COL4A5: variants seen among roughly 807,000 people sequenced by gnomAD.
COL4A5 encodes collagen alpha-5(IV) chain.
Under a neutral mutation model 130.2 loss-of-function variants are expected in COL4A5, and 26 were observed. That is an observed-to-expected ratio of 0.20 (90% CI 0.15 to 0.28). The LOEUF is 0.28. Ranked by LOEUF, COL4A5 falls within the 10% of genes least tolerant of loss-of-function variation. The probability of loss-of-function intolerance (pLI) is 1.00; values close to 1 mark genes in which losing one functional copy is unlikely to be tolerated. For missense variants in COL4A5, 1,131 were observed against 1,344.3 expected, an observed-to-expected ratio of 0.84 and a Z score of 2.48; for synonymous variants, 496 against 439.6, an observed-to-expected ratio of 1.13 and a Z score of -1.60.
At chrX:108,534,983 A>C (rs2065436826) in intron 1 of COL4A5, among the ~76,000 whole-genome samples, 2 of 110,035 alleles carry the variant, frequency 1.8e-5, no homozygotes, top group Admixed American at 2.0e-4. Context: ...ATGTCTCTTA[A>C]TGATTATTTC....
chrX:108,633,934 CACA>C (rs1222720474), intron 36 of COL4A5, among the ~76,000 whole-genome samples: 3 of 111,378 alleles, frequency 2.7e-5, no homozygotes. Context: ...AACACCGATC[CACA>C]ACAACATTGT....
chrX:108,613,058 T>C (rs1569496748), intron 29 of COL4A5, among the ~76,000 whole-genome samples: 1 of 111,699 alleles, frequency 9.0e-6, no homozygotes, highest in Non-Finnish European at 1.9e-5. Context: ...GACATCCATA[T>C]GCAAAAAAAA....
chrX:108,440,464 T>G, intron 1 of COL4A5: 1 of 381,193 alleles, frequency 2.6e-6, no homozygotes, highest in South Asian at 3.7e-5. Flanking sequence ...AAGAGCAAAG[T>G]CAGAAGTGGG....
At position 108,442,331 on chromosome X, in the gene COL4A5, A is replaced by G. The variant is rs758712702; in HGVS notation, c.81+2125A>G. Among the ~76,000 whole-genome samples the G allele has an allele frequency of 2.7e-5, 3 of 111,911 alleles. No individual in the cohort carries two copies. The Admixed American group carries it at 2.9e-4, about 11-fold the overall frequency. On this transcript the variant is annotated intron_variant, in intron 1 of 52. Coordinates refer to ENST00000328300, the MANE Select transcript of COL4A5 (RefSeq NM_033380.3). ...ATCTCTGAAATCATGCCAAATTGGT[A>G]CATCACAAATATGTGGAAGATCTTT... is the stretch of plus-strand genomic sequence containing the variant.
At chrX:108,610,825 A>T (rs1193077925) in intron 29 of COL4A5, among the ~76,000 whole-genome samples, 1 of 111,631 alleles carries the variant, frequency 9.0e-6, no homozygotes, top group African/African-American at 3.2e-5. Context: ...ATATTCTGCC[A>T]TGTAACTCCT....
chrX:108,612,236 A>G (rs769815937), intron 29 of COL4A5, among the ~76,000 whole-genome samples: 1 of 111,328 alleles, frequency 9.0e-6, no homozygotes, highest in African/African-American at 3.2e-5. Context: ...TAACACAAAG[A>G]TGTTATTTGT....
intron 1 of COL4A5, among the ~76,000 whole-genome samples, chrX:108,522,314 C>T (rs772315418): frequency 2.5e-4 from 27 of 108,264 alleles, no homozygotes; most frequent in African/African-American, 8.7e-4. Context: ...TGTTTTATAC[C>T]TAAGAGTGGA....
At chrX:108,655,499 A>G in intron 37 of COL4A5, 42 bp downstream of exon 37, 1 of 1,196,411 alleles carries the variant, frequency 8.4e-7, no homozygotes, top group Non-Finnish European at 1.1e-6. Context: ...TTCCTTCCTT[A>G]TCTACTCCAA....
intron 3 of COL4A5, among the ~76,000 whole-genome samples, chrX:108,562,097 G>T (rs896420738): frequency 3.6e-5 from 4 of 111,859 alleles, no homozygotes; most frequent in Non-Finnish European, 7.5e-5. Context: ...GAATTGAGCA[G>T]TAACTTGGCA....
At chrX:108,484,267 G>C (rs1442540667) in intron 1 of COL4A5, among the ~76,000 whole-genome samples, 2 of 111,606 alleles carry the variant, frequency 1.8e-5, no homozygotes, top group African/African-American at 6.5e-5. Flanking sequence ...CATCTATTTT[G>C]AATTCTCTGT....
At chrX:108,695,092 A>G (rs1019024037) in intron 51 of COL4A5, 171 bp downstream of exon 51, 5 of 681,811 alleles carry the variant, frequency 7.3e-6, no homozygotes, top group African/African-American at 6.5e-5. Flanking sequence ...ACATATTTTC[A>G]TAATCTGCCT....
At chrX:108,551,292 C>T (rs1444386902) in intron 2 of COL4A5, among the ~76,000 whole-genome samples, 1 of 110,715 alleles carries the variant, frequency 9.0e-6, no homozygotes, top group African/African-American at 3.3e-5. Context: ...TTAAACAATT[C>T]AGCAAGAAAA....
At chrX:108,568,696 C>T (rs772833315) in intron 5 of COL4A5, 23 bp downstream of exon 5, 3 of 1,201,077 alleles carry the variant, frequency 2.5e-6, no homozygotes, top group East Asian at 5.9e-5. Context: ...TCACTTTTTA[C>T]TTTGAAATCT....
rs371110832 is a variant in COL4A5 at position 108,666,591 on chromosome X, C to T, written c.3550C>T (p.Pro1184Ser). The part of the protein sequence containing the change: ...IPGPAGQKGE[P>S]GQPGFGNPGP... ...TGGACCAGCTGGACAGAAGGGTGAACCAGGTGCTGTAGTTTTTCATTTTTC... is the reference window on the plus strand; with the variant it reads ...TGGACCAGCTGGACAGAAGGGTGAATCAGGTGCTGTAGTTTTTCATTTTTC... The change falls in exon 39 of 53, where the codon CCA (proline) becomes TCA (serine). Residue 1184 changes from proline (P) to serine (S), a missense_variant. Coordinates refer to ENST00000328300, the MANE Select transcript of COL4A5 (RefSeq NM_033380.3). 6 of 1,194,243 alleles carry T rather than the reference C, an allele frequency of 5.0e-6. No homozygotes were observed. Among genetic ancestry groups the T allele is most frequent in the Non-Finnish European group, 6.8e-6 (6 of 884,618 alleles).
At chrX:108,461,149 T>A (rs2064646402) in intron 1 of COL4A5, among the ~76,000 whole-genome samples, 1 of 111,694 alleles carries the variant, frequency 9.0e-6, no homozygotes, top group South Asian at 3.8e-4. Flanking sequence ...GAGATTCATT[T>A]TCTGGGGCCT....
chrX:108,663,734 A>T (rs2068013118), intron 37 of COL4A5, among the ~76,000 whole-genome samples: 1 of 104,084 alleles, frequency 9.6e-6, no homozygotes, highest in South Asian at 4.0e-4. Flanking sequence ...CGTACCCCAG[A>T]ACTTAAAATA....
intron 1 of COL4A5, among the ~76,000 whole-genome samples, chrX:108,478,348 G>A (rs2064857484): frequency 9.0e-6 from 1 of 111,339 alleles, no homozygotes; most frequent in Admixed American, 9.5e-5. Flanking sequence ...TAGGCCAGTA[G>A]AACGTAATGT....
At chrX:108,670,383 G>A in intron 42 of COL4A5, 147 bp downstream of exon 42, 2 of 972,199 alleles carry the variant, frequency 2.1e-6, no homozygotes, top group Non-Finnish European at 2.7e-6. Flanking sequence ...AAGTTTTTAG[G>A]AACTTGTAGA....
intron 47 of COL4A5, among the ~76,000 whole-genome samples, chrX:108,683,971 C>G (rs556849542): frequency 9.0e-6 from 1 of 111,298 alleles, no homozygotes; most frequent in South Asian, 3.8e-4. Flanking sequence ...CACTCAAAAC[C>G]GCACAACTAC....
Sources: allele counts gnomAD v4.1 joint callset (sites outside exome capture counted in the v4.1 genomes callset), GRCh38; gene constraint gnomAD v4.1.1; transcripts MANE v1.5; gene names NCBI Gene and HGNC (gene_info 2026-07-23, HGNC 2026-07-21).